PTPRK: variants seen among roughly 807,000 people sequenced by gnomAD.
PTPRK encodes the protein protein tyrosine phosphatase receptor type K.
PTPRK carries 75 observed loss-of-function variants against 178.0 expected under a neutral mutation model. That is an observed-to-expected ratio of 0.42 (90% CI 0.35 to 0.51). PTPRK has a LOEUF of 0.51. PTPRK is among the 20% of genes least tolerant of loss of function. PTPRK has a pLI of 0.02. For synonymous variants in PTPRK, 637 were observed against 620.6 expected, an observed-to-expected ratio of 1.03 and a Z score of -0.39; for missense variants, 1,441 against 1,797.8, an observed-to-expected ratio of 0.80 and a Z score of 3.59.
intron 2 of PTPRK, among the ~76,000 whole-genome samples, chr6:128,357,280 T>C (rs1000397537): frequency 5.3e-5 from 8 of 152,236 alleles, no homozygotes; most frequent in Non-Finnish European, 1.5e-5. Context: ...GGTAGGTATA[T>C]CTCAGTAACT....
intron 8 of PTPRK, among the ~76,000 whole-genome samples, chr6:128,084,672 A>C (rs1044905547): frequency 6.6e-6 from 1 of 152,244 alleles, no homozygotes; most frequent in Non-Finnish European, 1.5e-5. Flanking sequence ...TATTGACAAA[A>C]TACCAGATAA....
chr6:128,197,295 C>T (rs1195761215), intron 6 of PTPRK, among the ~76,000 whole-genome samples: 1 of 148,818 alleles, frequency 6.7e-6, no homozygotes, highest in Non-Finnish European at 1.5e-5. Context: ...CTGCACCTAT[C>T]AACCTGTCAT....
intron 3 of PTPRK, among the ~76,000 whole-genome samples, chr6:128,271,955 C>A (rs1350921373): frequency 6.6e-6 from 1 of 151,854 alleles, no homozygotes; most frequent in Non-Finnish European, 1.5e-5. Context: ...AATTCAGTTT[C>A]CTAAAGCAAA....
At position 128,013,890 on chromosome 6, in the gene PTPRK, C is replaced by T. The variant is rs192506007; in HGVS notation, c.2195-4622G>A. Among the ~76,000 whole-genome samples, 777 of 151,612 alleles carry T rather than the reference C, an allele frequency of 5.1e-3. 2 individuals are homozygous for T. The highest frequency in any genetic ancestry group is 0.017 in the African/African-American group (725 of 41,476). On this transcript the variant is annotated intron_variant, in intron 13 of 29. Transcript: ENST00000368226. ...CCACCTCAAAACCCACATTGTAGCA[C>T]ACGGTATTTTCTAGGATTTCAACTG... is the stretch of plus-strand genomic sequence containing the variant.
At chr6:128,253,038 A>C (rs1410553033) in intron 3 of PTPRK, among the ~76,000 whole-genome samples, 3 of 152,160 alleles carry the variant, frequency 2.0e-5, no homozygotes, top group Admixed American at 6.6e-5. Context: ...CCACAGTATA[A>C]GGTATGCCAA....
At chr6:128,177,899 AC>A (rs1801318764) in intron 7 of PTPRK, among the ~76,000 whole-genome samples, 1 of 151,810 alleles carries the variant, frequency 6.6e-6, no homozygotes, top group African/African-American at 2.4e-5. Flanking sequence ...GTTTAAAAAA[AC>A]ACAAACAACT....
At chr6:128,038,138 G>C (rs189325385) in intron 13 of PTPRK, among the ~76,000 whole-genome samples, 12 of 152,118 alleles carry the variant, frequency 7.9e-5, no homozygotes, top group Admixed American at 7.9e-4. Context: ...CTGGTAATAC[G>C]CATATTTATC....
chr6:127,983,588 G>A (rs967894798), intron 22 of PTPRK, among the ~76,000 whole-genome samples: 2 of 152,126 alleles, frequency 1.3e-5, no homozygotes, highest in African/African-American at 4.8e-5. Flanking sequence ...ATTGGAACAA[G>A]AGTTCTAAAT....
intron 1 of PTPRK, among the ~76,000 whole-genome samples, chr6:128,493,149 C>A (rs1229918815): frequency 2.0e-5 from 3 of 152,140 alleles, no homozygotes; most frequent in East Asian, 3.9e-4. Flanking sequence ...CCAGCATTCA[C>A]CTCCTTTACT....
At chr6:128,304,065 T>C (rs989912956) in intron 3 of PTPRK, among the ~76,000 whole-genome samples, 6 of 152,164 alleles carry the variant, frequency 3.9e-5, no homozygotes, top group African/African-American at 1.4e-4. Flanking sequence ...TATTCTGAAA[T>C]GTGCTCCATA....
At chr6:128,216,483 C>T (rs1159146017) in intron 6 of PTPRK, among the ~76,000 whole-genome samples, 2 of 150,840 alleles carry the variant, frequency 1.3e-5, no homozygotes, top group East Asian at 1.9e-4. Context: ...GGCAGTAAGC[C>T]GAGATCCTGC....
At chr6:128,343,024 T>A (rs1831888047) in intron 2 of PTPRK, among the ~76,000 whole-genome samples, 1 of 152,194 alleles carries the variant, frequency 6.6e-6, no homozygotes, top group African/African-American at 2.4e-5. Flanking sequence ...GAATTAAATC[T>A]TTCTTATTGT....
chr6:127,970,826 C>A (rs573587744), intron 29 of PTPRK, among the ~76,000 whole-genome samples: 1 of 152,060 alleles, frequency 6.6e-6, no homozygotes, highest in African/African-American at 2.4e-5. Context: ...TATTTAACAT[C>A]TTTTAATACC....
intron 7 of PTPRK, among the ~76,000 whole-genome samples, chr6:128,152,536 T>G (rs1797406055): frequency 1.3e-5 from 2 of 149,536 alleles, no homozygotes; most frequent in South Asian, 4.2e-4. Context: ...GGAATTGGGT[T>G]TTGCAATGAG....
intron 14 of PTPRK, chr6:128,006,154 A>T: frequency 1.4e-6 from 1 of 697,620 alleles, no homozygotes; most frequent in Non-Finnish European, 2.2e-6. Flanking sequence ...TGCGTTAAAA[A>T]ATAAAATAAA....
intron 1 of PTPRK, among the ~76,000 whole-genome samples, chr6:128,434,302 A>G (rs1845229389): frequency 6.6e-6 from 1 of 152,174 alleles, no homozygotes; most frequent in African/African-American, 2.4e-5. Flanking sequence ...CCAGCCATAG[A>G]CAGACAAGAA....
At chr6:128,104,909 G>A (rs544580755) in intron 7 of PTPRK, among the ~76,000 whole-genome samples, 1 of 152,282 alleles carries the variant, frequency 6.6e-6, no homozygotes, top group Non-Finnish European at 1.5e-5. Context: ...ACTTTGAAAT[G>A]TTCCAAAGGT....
chr6:128,208,628 A>G (rs1807434031), intron 6 of PTPRK, among the ~76,000 whole-genome samples: 1 of 152,144 alleles, frequency 6.6e-6, no homozygotes, highest in African/African-American at 2.4e-5. Flanking sequence ...CTCTTTCTAA[A>G]TTTTCCATTT....
chr6:128,510,155 A>G (rs902071640), intron 1 of PTPRK, among the ~76,000 whole-genome samples: 1 of 152,146 alleles, frequency 6.6e-6, no homozygotes, highest in Non-Finnish European at 1.5e-5. Flanking sequence ...TTCCTCCTCA[A>G]CCACTGTCTA....
Sources: gnomAD v4.1 joint callset for allele counts (sites outside exome capture counted in the v4.1 genomes callset) on GRCh38, gnomAD v4.1.1 for gene constraint, MANE v1.5 for transcripts, NCBI Gene and HGNC (gene_info 2026-07-23, HGNC 2026-07-21) for gene names.